CYP26B1: variants seen among roughly 807,000 people sequenced by gnomAD.
CYP26B1 encodes cytochrome P450 26B1.
In CYP26B1, 8 loss-of-function variants were observed where a neutral mutation model predicts 39.1. That is an observed-to-expected ratio of 0.20 (90% CI 0.12 to 0.37). The LOEUF (loss-of-function observed/expected upper bound fraction) is 0.37, where lower values mean the gene tolerates loss of function less well. Ranked by LOEUF, CYP26B1 falls within the 10% of genes least tolerant of loss-of-function variation. The pLI is 1.00. For synonymous variants in CYP26B1, 321 were observed against 314.3 expected, an observed-to-expected ratio of 1.02 and a Z score of -0.23; for missense variants, 615 against 707.0, an observed-to-expected ratio of 0.87 and a Z score of 1.48.
chr2:72,133,043 G>A lies in CYP26B1; in HGVS notation c.1126C>T (p.Leu376=). 3.1e-6 allele frequency: 5 copies of A among 1,613,250 alleles called. No individual in the cohort carries two copies. The highest frequency in any genetic ancestry group is 1.1e-5 in the South Asian group (1 of 91,088). Residue 376 remains leucine (L), a synonymous_variant, in exon 5 of 6, where the codon CTG becomes TTG. Transcript: ENST00000001146. ...CTCACATCAAGCTCGAAGGTCTGCA[G>A]CACAGTGCGGTAGCCGCCGGAAATG... is the stretch of plus-strand genomic sequence containing the variant. The part of the protein sequence containing the change: ...TPISGGYRTV[L]QTFELDGFQI...
intron 4 of CYP26B1, among the ~76,000 whole-genome samples, chr2:72,134,255 C>T (rs1572922861): frequency 2.2e-5 from 3 of 134,892 alleles, no homozygotes; most frequent in African/African-American, 8.3e-5. Flanking sequence ...AAACATCCGC[C>T]TAAAGCAGGG....
chr2:72,146,014 C>G (rs1020054765), intron 1 of CYP26B1, among the ~76,000 whole-genome samples: 1 of 152,130 alleles, frequency 6.6e-6, no homozygotes, highest in African/African-American at 2.4e-5. Flanking sequence ...GTACACGTAC[C>G]CCCTATTTCC....
intron 2 of CYP26B1, among the ~76,000 whole-genome samples, chr2:72,139,010 C>T (rs1676861586): frequency 6.6e-6 from 1 of 152,210 alleles, no homozygotes; most frequent in Non-Finnish European, 1.5e-5. Flanking sequence ...GGGAGTTGCT[C>T]TGTGAACCCC....
At chr2:72,135,118 T>C in intron 3 of CYP26B1, 26 bp downstream of exon 3, 1 of 1,611,384 alleles carries the variant, frequency 6.2e-7, no homozygotes, top group Non-Finnish European at 8.5e-7. Context: ...CCCCTGCTCC[T>C]CTCCTCCCAG....
In CYP26B1 at chr2:72,129,805, C is replaced by T. The variant is rs139104907; in HGVS notation, c.*2422G>A. 2 of 151,974 alleles carry T rather than the reference C, an allele frequency of 1.3e-5. No individual in the cohort carries two copies. Among genetic ancestry groups the T allele is most frequent in the East Asian group, 1.9e-4 (1 of 5,168 alleles). The allele number at this position is 151,974 out of a possible 1,614,324, so 9.4% of individuals were successfully genotyped here. ...ATAGTTAGGGATGATAAGTAAGAAACATCACCCATCTAATGCTAGCTGTAT... is the reference window on the plus strand; with the variant it reads ...ATAGTTAGGGATGATAAGTAAGAAATATCACCCATCTAATGCTAGCTGTAT... On this transcript the variant is annotated 3_prime_UTR_variant, in exon 6 of 6. Transcript: ENST00000001146.
rs1677154047 is a variant in CYP26B1, at chr2:72,147,486, G to C, written c.204+145C>G. ...CTGCCGGCGGGCTGGGGAAGCCCGGGCTGCTGCGGCAGAGAGGAGGGAAGG... is the reference window on the plus strand; with the variant it reads ...CTGCCGGCGGGCTGGGGAAGCCCGGCCTGCTGCGGCAGAGAGGAGGGAAGG... On this transcript the variant is annotated intron_variant, in intron 1 of 5. Transcript: ENST00000001146. This position sits in a 1 kb window ranked among gnomAD's most constrained non-coding sequence, Gnocchi z 6.1. 1 of 846,932 alleles carries C rather than the reference G, an allele frequency of 1.2e-6. No individual in the cohort carries two copies. The highest frequency in any genetic ancestry group is 2.3e-5 in the South Asian group (1 of 43,482). 52.5% of individuals were successfully genotyped at this position (846,932 alleles called of 1,614,324 possible). A position where few individuals can be genotyped will look rare whatever the true frequency, so the allele number is the denominator to read the frequency against.
At chr2:72,133,429 G>GAA in intron 4 of CYP26B1, 122 bp from the exon 5 acceptor site, 1 of 1,272,610 alleles carries the variant, frequency 7.9e-7, no homozygotes, top group Non-Finnish European at 1.1e-6. Flanking sequence ...GGTTCCTGCA[G>GAA]TGAATTCTGC....
chr2:72,143,903 G>A, intron 2 of CYP26B1, 86 bp downstream of exon 2: 1 of 1,487,190 alleles, frequency 6.7e-7, no homozygotes, highest in Non-Finnish European at 9.3e-7. Context: ...GCACAGATTC[G>A]GTAGGGGACA....
At chr2:72,135,038 G>A (rs1247478171) in intron 3 of CYP26B1, 106 bp downstream of exon 3, 1 of 1,599,740 alleles carries the variant, frequency 6.3e-7, no homozygotes, top group African/African-American at 1.3e-5. Flanking sequence ...TTGTCCATGT[G>A]CCCTGTGCCT....
At chr2:72,134,492 G>A (rs908834045) in intron 4 of CYP26B1, among the ~76,000 whole-genome samples, 4 of 152,166 alleles carry the variant, frequency 2.6e-5, no homozygotes, top group Admixed American at 2.6e-4. Flanking sequence ...AGGGATATTG[G>A]GACTAGGAAA....
At chr2:72,138,962 T>C (rs1439204353) in intron 2 of CYP26B1, among the ~76,000 whole-genome samples, 1 of 152,174 alleles carries the variant, frequency 6.6e-6, no homozygotes, top group Non-Finnish European at 1.5e-5. Flanking sequence ...CAACCAGGCC[T>C]CCTCACCCCT....
intron 5 of CYP26B1, 36 bp downstream of exon 5, chr2:72,132,987 C>A (rs771530381): frequency 6.2e-7 from 1 of 1,612,726 alleles, no homozygotes. Flanking sequence ...TGCCCCTGCT[C>A]CCCCATCGCC....
At chr2:72,140,688 C>T (rs1169258635) in intron 2 of CYP26B1, among the ~76,000 whole-genome samples, 1 of 152,242 alleles carries the variant, frequency 6.6e-6, no homozygotes, top group Non-Finnish European at 1.5e-5. Flanking sequence ...GCTTCTCCAT[C>T]CCAACACAGA....
intron 2 of CYP26B1, among the ~76,000 whole-genome samples, chr2:72,136,405 G>A (rs79903535): frequency 3.3e-5 from 5 of 152,342 alleles, no homozygotes; most frequent in African/African-American, 4.8e-5. Context: ...CAGTCAGCTC[G>A]GGGAGGAAAG....
In CYP26B1 at chr2:72,130,886, C is replaced by G. The variant is rs1213541279; in HGVS notation, c.*1341G>C. On this transcript the variant is annotated 3_prime_UTR_variant, in exon 6 of 6. Transcript: ENST00000001146. ...CAGGGCCCTGCAATCAGCTCCGAGG[C>G]AGAACTGCCGCTGCGCTCACCTCCC... The G allele has an allele frequency of 6.6e-6, 1 of 152,330 alleles. No homozygotes were observed. Among genetic ancestry groups the G allele is most frequent in the Non-Finnish European group, 1.5e-5 (1 of 68,120 alleles). 9.4% of individuals were successfully genotyped at this position (152,330 alleles called of 1,614,324 possible). A position where few individuals can be genotyped will look rare whatever the true frequency, so the allele number is the denominator to read the frequency against.
intron 2 of CYP26B1, among the ~76,000 whole-genome samples, chr2:72,136,359 C>T (rs1364032446): frequency 6.6e-6 from 1 of 152,200 alleles, no homozygotes; most frequent in African/African-American, 2.4e-5. Context: ...CCAAACACAA[C>T]CACCGCATAA....
rs1676669578 is a variant in CYP26B1, at chr2:72,133,712, G to A, written c.862-405C>T. ...GTGCGTGTGTATGTGTGGGGGATGT[G>A]AGTCTAAACCCGGGCCTTCCCACTC... On this transcript the variant is annotated intron_variant, in intron 4 of 5. Coordinates refer to ENST00000001146, the MANE Select transcript of CYP26B1 (RefSeq NM_019885.4). 1.3e-5 allele frequency among the ~76,000 whole-genome samples: 2 copies of A among 152,224 alleles called. 1 individual carries two copies. Among genetic ancestry groups the A allele is most frequent in the South Asian group, 4.1e-4 (2 of 4,830 alleles).
At chr2:72,141,645 C>T (rs528124979) in intron 2 of CYP26B1, among the ~76,000 whole-genome samples, 29 of 152,372 alleles carry the variant, frequency 1.9e-4, no homozygotes, top group African/African-American at 6.5e-4. Flanking sequence ...CAGCAGCCCC[C>T]ACCTTGGCCA....
In CYP26B1 at chr2:72,144,017, A is replaced by G. The variant is rs1419156117; in HGVS notation, c.401T>C (p.Ile134Thr). The G allele has an allele frequency of 3.7e-6, 6 of 1,613,702 alleles. No homozygotes were observed. The highest frequency in any genetic ancestry group is 1.6e-4 in the Middle Eastern group (1 of 6,062). ...LLGPNTVSNS[I>T]GDIHRNKRKV... Reference sequence around the variant, plus strand: ...GCGCTTGTTGCGGTGGATGTCGCCAATGGAATTGGACACCGTGTTGGGGCC... The same window carrying G: ...GCGCTTGTTGCGGTGGATGTCGCCAGTGGAATTGGACACCGTGTTGGGGCC... The change falls in exon 2 of 6, where the codon ATT (isoleucine) becomes ACT (threonine). Residue 134 changes from isoleucine to threonine, a missense_variant. Ile to Thr is a moderately conservative substitution (Grantham distance 89). Coordinates refer to ENST00000001146, the MANE Select transcript of CYP26B1 (RefSeq NM_019885.4).
Sources: allele counts gnomAD v4.1 joint callset (sites outside exome capture counted in the v4.1 genomes callset), GRCh38; gene constraint gnomAD v4.1.1; non-coding constraint Gnocchi (gnomAD v3.1); transcripts MANE v1.5; gene names NCBI Gene and HGNC (gene_info 2026-07-23, HGNC 2026-07-21).